Variants in INO80E observed in about 807,000 individuals in gnomAD.
The protein encoded by INO80E is INO80 complex subunit E.
A neutral mutation model predicts 27.3 loss-of-function variants in INO80E; 20 were observed. The observed-to-expected ratio is 0.73, with a 90% CI of 0.51 to 1.06. The LOEUF is 1.06. Among genes scored for constraint, INO80E ranks in the 50% least tolerant of loss-of-function variants. The probability of loss-of-function intolerance (pLI) is 0.00; values close to 1 mark genes in which losing one functional copy is unlikely to be tolerated. For missense variants in INO80E, 357 were observed against 322.8 expected (o/e 1.11, Z -0.81); for synonymous variants, 167 against 145.9 (o/e 1.14, Z -1.04).
intron 4 of INO80E, 34 bp from the exon 5 acceptor site, chr16:30,000,895 A>G: frequency 6.2e-7 from 1 of 1,610,388 alleles, no homozygotes; most frequent in Non-Finnish European, 8.5e-7. Flanking sequence ...CTGGGCTCCT[A>G]GCCACATCTG....
At chr16:29,999,245 C>T (rs950878024) in intron 3 of INO80E, 2 of 152,234 alleles carry the variant, frequency 1.3e-5, no homozygotes, top group African/African-American at 4.8e-5. Flanking sequence ...TGTAGCCTCT[C>T]ATCCCCTGCC....
chr16:30,000,116 G>C (rs1423619065), intron 3 of INO80E, among the ~76,000 whole-genome samples: 2 of 152,164 alleles, frequency 1.3e-5, no homozygotes, highest in African/African-American at 4.8e-5. Flanking sequence ...GAGCCTCGGT[G>C]ACCTCATGTG....
Position 30,005,376 on chromosome 16 carries a change from C to T in INO80E, c.669C>T (p.Ser223=), listed in dbSNP as rs375837384. 16 of 1,388,070 alleles carry T rather than the reference C, an allele frequency of 1.2e-5. No homozygotes were observed. Among genetic ancestry groups the T allele is most frequent in the Admixed American group, 2.0e-5 (1 of 50,532 alleles). The allele number at this position is 1,388,070 out of a possible 1,614,324, so 86.0% of individuals were successfully genotyped here. A position where few individuals can be genotyped will look rare whatever the true frequency, so the allele number is the denominator to read the frequency against. Residue 223 remains serine (S), a synonymous_variant, in exon 7 of 7, where the codon AGC becomes AGT. Coordinates refer to ENST00000563197, the MANE Select transcript of INO80E (RefSeq NM_173618.3). The stretch of plus-strand genomic sequence containing the variant: ...GCACGGTCCCTCGGCAGATGTTCAG[C>T]GATGCAGGTAGCGGGGACGATGCCT... ...ILSTVPRQMF[S]DAGSGDDALD...
Position 30,000,911 on chromosome 16 carries a change from G to C in INO80E, c.285-18G>C, listed in dbSNP as rs750992629. The C allele has an allele frequency of 6.2e-7, 1 of 1,607,434 alleles. No individual in the cohort carries two copies. Among genetic ancestry groups the C allele is most frequent in the African/African-American group, 1.3e-5 (1 of 74,796 alleles). On this transcript the variant is annotated intron_variant, in intron 4 of 6. Transcript: ENST00000563197. Reference sequence around the variant, plus strand: ...TGGGCTCCTAGCCACATCTGACCTCGCCCTGTCCTTTCTCCAGGAAGAGAA... The same window carrying C: ...TGGGCTCCTAGCCACATCTGACCTCCCCCTGTCCTTTCTCCAGGAAGAGAA...
chr16:29,997,052 G>A (rs1208285100), intron 3 of INO80E, among the ~76,000 whole-genome samples, 192 bp downstream of exon 3: 2 of 152,236 alleles, frequency 1.3e-5, no homozygotes, highest in African/African-American at 4.8e-5. Flanking sequence ...CAGGCACTGT[G>A]CTTGGCACAG....
At position 29,996,534 on chromosome 16, in the gene INO80E, G is replaced by T. The variant is rs1164730397; in HGVS notation, c.82-13G>T. The stretch of plus-strand genomic sequence containing the variant: ...GGACCGTTGGCCCAGCGCACCCCTT[G>T]CCCGTGATACAGGAGCACGAGTGCT... On this transcript the variant is annotated splice_polypyrimidine_tract_variant and intron_variant, in intron 1 of 6. Transcript: ENST00000563197. The T allele has an allele frequency of 6.4e-7, 1 of 1,560,262 alleles. No individual in the cohort carries two copies. The highest frequency in any genetic ancestry group is 8.7e-7 in the Non-Finnish European group (1 of 1,151,912).
intron 5 of INO80E, 136 bp from the exon 6 acceptor site, chr16:30,001,278 C>A: frequency 6.7e-7 from 1 of 1,491,798 alleles, no homozygotes. Flanking sequence ...CCCGGCCCTT[C>A]TGTGCTCGGG....
Position 30,005,264 on chromosome 16 carries a change from C to T in INO80E, c.557C>T (p.Thr186Ile). Residue 186 changes from threonine (T) to isoleucine (I), a missense_variant, in exon 7 of 7, where the codon ACC (threonine) becomes ATC (isoleucine). Physicochemically the swap from Thr to Ile is moderately conservative, Grantham distance 89. Transcript: ENST00000563197. ...GACTGCCCTGTGGGAGGGCCGCTGA[C>T]CTTCCCTGGCCGGGGTTCTGGGGCT... ...PPDCPVGGPL[T>I]FPGRGSGAGV... The T allele has an allele frequency of 6.7e-7, 1 of 1,482,196 alleles. No individual in the cohort carries two copies. Among genetic ancestry groups the T allele is most frequent in the Non-Finnish European group, 8.9e-7 (1 of 1,120,020 alleles). The allele number at this position is 1,482,196 out of a possible 1,614,324, so 91.8% of individuals were successfully genotyped here.
At position 30,003,655 on chromosome 16, in the gene INO80E, G is replaced by C. The variant is rs78008308; in HGVS notation, c.514-1566G>C. Reference sequence around the variant, plus strand: ...AGCTCTCTTTCTCCATTCAGTGGCGGCATTGTGCGGAGAATGTGAGTGAAG... The same window carrying C: ...AGCTCTCTTTCTCCATTCAGTGGCGCCATTGTGCGGAGAATGTGAGTGAAG... On this transcript the variant is annotated intron_variant, in intron 6 of 6. Transcript: ENST00000563197. The surrounding 1 kb of genome is among the most constrained non-coding windows in gnomAD (Gnocchi z 4.4). 1 of 152,220 alleles carries C rather than the reference G, an allele frequency of 6.6e-6. No individual in the cohort carries two copies. The allele number at this position is 152,220 out of a possible 1,614,324, so 9.4% of individuals were successfully genotyped here.
chr16:30,001,334 CT>C (rs2070344269), intron 5 of INO80E, 79 bp from the exon 6 acceptor site: 1 of 1,513,618 alleles, frequency 6.6e-7, no homozygotes, highest in Non-Finnish European at 8.9e-7. Flanking sequence ...TTTTTCCATC[CT>C]CCTTCTGTTT....
At position 29,996,257 on chromosome 16, in the gene INO80E, C is replaced by T. The variant is rs1167682203; in HGVS notation, c.-54C>T. On this transcript the variant is annotated 5_prime_UTR_variant, in exon 1 of 7. Coordinates refer to ENST00000563197, the MANE Select transcript of INO80E (RefSeq NM_173618.3). ...AGTGGAGGCGGGAGCGGCACGGCAG[C>T]CACTGCTTGGGGTAGCGGGAGGGCA... 1 of 1,513,380 alleles carries T rather than the reference C, an allele frequency of 6.6e-7. No individual in the cohort carries two copies. The allele number at this position is 1,513,380 out of a possible 1,614,324, so 93.7% of individuals were successfully genotyped here. A position where few individuals can be genotyped will look rare whatever the true frequency, so the allele number is the denominator to read the frequency against.
intron 6 of INO80E, chr16:30,004,512 C>T (rs758548210): frequency 5.2e-5 from 8 of 152,978 alleles, no homozygotes; most frequent in Non-Finnish European, 1.0e-4. Context: ...CCGCAGGCGG[C>T]ACTCCCGCCC....
Position 29,996,567 on chromosome 16 carries a change from G to A in INO80E, c.102G>A (p.Glu34=). The A allele has an allele frequency of 6.4e-7, 1 of 1,570,400 alleles. No individual in the cohort carries two copies. Among genetic ancestry groups the A allele is most frequent in the Non-Finnish European group, 8.6e-7 (1 of 1,157,760 alleles). ...FLIYEHECFQ[E]ELRKAQRKLL... ...TACAGGAGCACGAGTGCTTCCAGGA[G>A]GAGCTGAGGAAAGCGCAAAGGAAAT... The change falls in exon 2 of 7, where the codon GAG becomes GAA. Residue 34 remains glutamate, a synonymous_variant. Transcript: ENST00000563197.
chr16:30,005,526 GT>G lies in INO80E; in HGVS notation c.*87del. 2 of 1,262,572 alleles carry G rather than the reference GT, an allele frequency of 1.6e-6. No individual in the cohort carries two copies. Among genetic ancestry groups the G allele is most frequent in the Non-Finnish European group, 2.2e-6 (2 of 895,150 alleles). The allele number at this position is 1,262,572 out of a possible 1,614,324, so 78.2% of individuals were successfully genotyped here. ...ACACGAGTCCAGCTTCCTCGGAGGT[GT>G]TTATTGATGCCCAGCTGCCATGCTC... On this transcript the variant is annotated 3_prime_UTR_variant, in exon 7 of 7. Coordinates refer to ENST00000563197, the MANE Select transcript of INO80E (RefSeq NM_173618.3).
At chr16:29,998,173 C>T (rs896718309) in intron 3 of INO80E, among the ~76,000 whole-genome samples, 3 of 152,044 alleles carry the variant, frequency 2.0e-5, no homozygotes, top group African/African-American at 7.2e-5. Context: ...CACCTGTAGT[C>T]CCAGTTACTC....
intron 6 of INO80E, chr16:30,002,692 G>A (rs999864907): frequency 6.6e-6 from 1 of 152,294 alleles, no homozygotes; most frequent in Non-Finnish European, 1.5e-5. Context: ...CACAGGCTTG[G>A]AGGAAAACTG....
rs532516778 is a variant in INO80E at position 30,005,705 on chromosome 16, C to T, written c.*263C>T. On this transcript the variant is annotated 3_prime_UTR_variant, in exon 7 of 7. Transcript: ENST00000563197. ...CTGCCACCTGCTGGGGAGGCAGAGA[C>T]CCTGCAATGGCCACCTCTTTAAAAG... The T allele has an allele frequency of 4.8e-5, 26 of 540,618 alleles. No homozygotes were observed. In the East Asian group the frequency reaches 8.0e-4, roughly 17 times the overall value. The allele number at this position is 540,618 out of a possible 1,614,324, so 33.5% of individuals were successfully genotyped here.
intron 1 of INO80E, 31 bp downstream of exon 1, chr16:29,996,422 A>G (rs1174627124): frequency 1.3e-6 from 2 of 1,567,976 alleles, no homozygotes; most frequent in Admixed American, 1.9e-5. Context: ...GCTGTGGGGG[A>G]TGAGGCCTGG....
intron 3 of INO80E, among the ~76,000 whole-genome samples, chr16:29,998,344 C>G (rs969048410): frequency 5.3e-5 from 8 of 151,500 alleles, no homozygotes; most frequent in Non-Finnish European, 1.0e-4. Context: ...CTAGAGCTGT[C>G]CCGGCAGAAT....
Sources: allele counts gnomAD v4.1 joint callset (sites outside exome capture counted in the v4.1 genomes callset), GRCh38; gene constraint gnomAD v4.1.1; non-coding constraint Gnocchi (gnomAD v3.1); transcripts MANE v1.5; gene names NCBI Gene and HGNC (gene_info 2026-07-23, HGNC 2026-07-21).